The following LOC128462377 variants were observed in gnomAD, a reference collection of about 807,000 sequenced individuals.
the LOC128462377 span, among the ~76,000 whole-genome samples, chr16:89,350,864 G>A: frequency 3.9e-5 from 6 of 152,086 alleles, no homozygotes; most frequent in Non-Finnish European, 2.9e-5. Flanking sequence ...GGAGTGGAAC[G>A]GGTCCCATGG....
At chr16:89,334,333 G>T in the LOC128462377 span, among the ~76,000 whole-genome samples, 908 of 152,018 alleles carry the variant, frequency 6.0e-3, 7 homozygotes, top group African/African-American at 0.021. Flanking sequence ...AGTTTCTGAA[G>T]TTGGTGACAT....
the LOC128462377 span, among the ~76,000 whole-genome samples, chr16:89,413,310 A>C: frequency 1.3e-5 from 2 of 152,190 alleles, no homozygotes; most frequent in African/African-American, 4.8e-5. Flanking sequence ...CTGTTTCTAA[A>C]TCTTAACAAA....
the LOC128462377 span, among the ~76,000 whole-genome samples, chr16:89,337,429 C>CTT: frequency 0.045 from 2,380 of 52,952 alleles, 781 homozygotes; most frequent in African/African-American, 0.08. Context: ...CTAAGCAATT[C>CTT]TTTTTTTTTT....
chr16:89,359,474 C>A, the LOC128462377 span, among the ~76,000 whole-genome samples: 8 of 152,208 alleles, frequency 5.3e-5, no homozygotes, highest in Admixed American at 1.3e-4. Flanking sequence ...CCCCTCGGCC[C>A]CCACTGCTTC....
chr16:89,393,447 C>T, the LOC128462377 span, among the ~76,000 whole-genome samples: 1 of 151,664 alleles, frequency 6.6e-6, no homozygotes, highest in South Asian at 2.1e-4. Context: ...CCTCAGTCCC[C>T]CATGTAGCTG....
chr16:89,413,574 G>A, the LOC128462377 span, among the ~76,000 whole-genome samples: 1 of 152,242 alleles, frequency 6.6e-6, no homozygotes, highest in South Asian at 2.1e-4. Flanking sequence ...GCAGTGAGCC[G>A]AGGTCGCACC....
the LOC128462377 span, among the ~76,000 whole-genome samples, chr16:89,396,978 G>C: frequency 6.6e-5 from 10 of 152,268 alleles, no homozygotes; most frequent in South Asian, 2.1e-4. Context: ...GCATGAGCCA[G>C]GGGACTTGAC....
chr16:89,353,350 A>AAGAGAGAGAGAGAG, the LOC128462377 span, among the ~76,000 whole-genome samples: 1 of 149,460 alleles, frequency 6.7e-6, no homozygotes, highest in Non-Finnish European at 1.5e-5. Flanking sequence ...TCCAAAAAAA[A>AAGAGAGAGAGAGAG]AGAGAGAGAG....
chr16:89,392,207 C>T, the LOC128462377 span, among the ~76,000 whole-genome samples: 3 of 152,192 alleles, frequency 2.0e-5, no homozygotes, highest in East Asian at 1.9e-4. Flanking sequence ...GGTGTACTCT[C>T]GTGGCAAAAC....
the LOC128462377 span, among the ~76,000 whole-genome samples, chr16:89,417,629 G>A: frequency 6.6e-6 from 1 of 152,128 alleles, no homozygotes; most frequent in Non-Finnish European, 1.5e-5. Context: ...CCAGCTCCTA[G>A]GAAAAGCCAG....
chr16:89,341,388 C>T, the LOC128462377 span, among the ~76,000 whole-genome samples: 25 of 152,210 alleles, frequency 1.6e-4, no homozygotes, highest in Admixed American at 1.6e-3. Context: ...CAGATTCTCA[C>T]AGGTTGGAGG....
chr16:89,393,319 T>A, the LOC128462377 span, among the ~76,000 whole-genome samples: 6 of 150,872 alleles, frequency 4.0e-5, no homozygotes, highest in South Asian at 4.2e-4. Context: ...TTTTTATTTT[T>A]TTTTTTTTTG....
the LOC128462377 span, among the ~76,000 whole-genome samples, chr16:89,330,221 G>C: frequency 6.6e-6 from 1 of 152,208 alleles, no homozygotes; most frequent in South Asian, 2.1e-4. Flanking sequence ...TGTGTGTCCG[G>C]TCAGGGGCAG....
the LOC128462377 span, among the ~76,000 whole-genome samples, chr16:89,353,298 C>T: frequency 6.7e-6 from 1 of 150,336 alleles, no homozygotes; most frequent in Non-Finnish European, 1.5e-5. Flanking sequence ...GCCAAGATGG[C>T]GCCACTGCAC....
At chr16:89,351,917 T>C in the LOC128462377 span, among the ~76,000 whole-genome samples, 2 of 152,286 alleles carry the variant, frequency 1.3e-5, no homozygotes, top group Admixed American at 6.5e-5. Flanking sequence ...CAAGCTGGTA[T>C]TATCTCTTTT....
the LOC128462377 span, among the ~76,000 whole-genome samples, chr16:89,340,308 C>T: frequency 1.3e-5 from 2 of 152,232 alleles, no homozygotes; most frequent in Non-Finnish European, 2.9e-5. Context: ...GACGGAGTCT[C>T]GCTCTGTCGC....
chr16:89,363,440 C>T, the LOC128462377 span, among the ~76,000 whole-genome samples: 1 of 150,548 alleles, frequency 6.6e-6, no homozygotes, highest in East Asian at 1.9e-4. Context: ...CAAACCTGCA[C>T]GTTGTGCACA....
At chr16:89,370,356 C>A in the LOC128462377 span, among the ~76,000 whole-genome samples, 22 of 152,128 alleles carry the variant, frequency 1.4e-4, no homozygotes, top group Non-Finnish European at 2.6e-4. Flanking sequence ...GAAGGGGAGA[C>A]AGGCGTGCCC....
the LOC128462377 span, among the ~76,000 whole-genome samples, chr16:89,380,713 C>T: frequency 5.3e-5 from 8 of 152,218 alleles, no homozygotes; most frequent in Admixed American, 4.6e-4. Context: ...TGCCTGCTTT[C>T]CAGGGAAGAG....
Sources: allele counts gnomAD v4.1 joint callset (sites outside exome capture counted in the v4.1 genomes callset), GRCh38; gene constraint gnomAD v4.1.1; transcripts MANE v1.5.